Variants in MAP4K5 observed in about 807,000 individuals in gnomAD.
The protein encoded by MAP4K5 is MAPK/ERK kinase kinase kinase 5.
Under a neutral mutation model 135.6 loss-of-function variants are expected in MAP4K5, and 82 were observed. That is an observed-to-expected ratio of 0.60 (90% CI 0.51 to 0.73). The LOEUF is 0.73. MAP4K5 is among the 30% of genes least tolerant of loss of function. The pLI, the probability that MAP4K5 is intolerant of heterozygous loss-of-function variation, is 0.00. For synonymous variants in MAP4K5, 347 were observed against 335.0 expected (o/e 1.04, Z -0.39); for missense variants, 907 against 1,010.9 (o/e 0.90, Z 1.39).
intron 13 of MAP4K5, among the ~76,000 whole-genome samples, chr14:50,460,436 C>A (rs1016507351): frequency 2.6e-5 from 4 of 151,878 alleles, no homozygotes; most frequent in Non-Finnish European, 4.4e-5. Context: ...CCCAGCAAAA[C>A]GAGATAAAAA....
chr14:50,468,815 T>C (rs1443971044), intron 9 of MAP4K5, 33 bp from the exon 10 acceptor site: 1 of 1,573,462 alleles, frequency 6.4e-7, no homozygotes, highest in Non-Finnish European at 8.6e-7. Flanking sequence ...ACATTTTTGT[T>C]GTTAAATATT....
In MAP4K5 at chr14:50,423,035, T is replaced by G; in HGVS notation, c.2453+86A>C. 4 of 593,890 alleles carry G rather than the reference T, an allele frequency of 6.7e-6. 1 individual carries two copies. The South Asian group carries it at 1.2e-4, about 17-fold the overall frequency. 36.8% of individuals were successfully genotyped at this position (593,890 alleles called of 1,614,324 possible). ...GTCAATGAGCTTCTAAGAGTTTTGTTTGAAACAATTACAGACTGACAGTAT... is the reference window on the plus strand; with the variant it reads ...GTCAATGAGCTTCTAAGAGTTTTGTGTGAAACAATTACAGACTGACAGTAT... On this transcript the variant is annotated intron_variant, in intron 32 of 32. Transcript: ENST00000682126.
intron 28 of MAP4K5, among the ~76,000 whole-genome samples, chr14:50,429,616 G>C (rs2035926800): frequency 6.6e-6 from 1 of 152,142 alleles, no homozygotes; most frequent in Admixed American, 6.5e-5. Flanking sequence ...ATTTTATATA[G>C]CCAATGGGAG....
chr14:50,502,200 C>T (rs556388257), intron 3 of MAP4K5, among the ~76,000 whole-genome samples: 12 of 152,098 alleles, frequency 7.9e-5, no homozygotes, highest in Admixed American at 2.6e-4. Flanking sequence ...ATTTTTCACA[C>T]GTCTGCAATT....
intron 1 of MAP4K5, among the ~76,000 whole-genome samples, chr14:50,543,459 G>A (rs144336092): frequency 5.3e-4 from 81 of 152,288 alleles, no homozygotes; most frequent in African/African-American, 1.8e-3. Context: ...CAATTCATGG[G>A]CTTATGGAAT....
At chr14:50,516,730 T>C (rs2038041590) in intron 2 of MAP4K5, among the ~76,000 whole-genome samples, 1 of 152,210 alleles carries the variant, frequency 6.6e-6, no homozygotes, top group Non-Finnish European at 1.5e-5. Context: ...TGTAGTTGTA[T>C]AAAGGCTTTT....
chr14:50,449,118 A>G (rs988842853), intron 14 of MAP4K5: 3 of 314,728 alleles, frequency 9.5e-6, no homozygotes, highest in Non-Finnish European at 1.7e-5. Context: ...TCAAAAATAA[A>G]TGACTAAGTA....
intron 2 of MAP4K5, among the ~76,000 whole-genome samples, chr14:50,537,623 A>T (rs1326357401): frequency 6.6e-6 from 1 of 152,236 alleles, no homozygotes; most frequent in Admixed American, 6.5e-5. Context: ...CTGCAAAGCC[A>T]CAGGGGCAGA....
intron 20 of MAP4K5, among the ~76,000 whole-genome samples, chr14:50,443,219 A>G (rs1292597314): frequency 1.3e-5 from 2 of 152,302 alleles, no homozygotes; most frequent in South Asian, 2.1e-4. Flanking sequence ...GTTGATATTT[A>G]TATTATACAT....
chr14:50,510,336 C>T (rs930815894), intron 2 of MAP4K5, among the ~76,000 whole-genome samples: 3 of 152,116 alleles, frequency 2.0e-5, no homozygotes, highest in East Asian at 1.9e-4. Context: ...CTCCTTTCCC[C>T]GCCTCCCTCC....
Position 50,442,786 on chromosome 14 carries a change from C to T in MAP4K5, c.1510G>A (p.Gly504Ser). Residue 504 changes from glycine to serine, a missense_variant, in exon 21 of 33, where the codon GGC (glycine) becomes AGC (serine). Around this residue, in one of 3 missense-constraint regions of MAP4K5, gnomAD observed 690 missense variants for 777.4 expected, o/e 0.89. Coordinates refer to ENST00000682126, the MANE Select transcript of MAP4K5 (RefSeq NM_006575.6). The part of the protein sequence containing the change: ...MGACFSKVFD[G>S]CPLKINCATS... Reference sequence around the variant, plus strand: ...GCACAATTAATTTTCAAAGGACAGCCATCAAAAACTTTTGAAAAGCATGCT... The same window carrying T: ...GCACAATTAATTTTCAAAGGACAGCTATCAAAAACTTTTGAAAAGCATGCT... 1.3e-6 allele frequency: 2 copies of T among 1,596,640 alleles called. No individual in the cohort carries two copies. The highest frequency in any genetic ancestry group is 4.5e-5 in the East Asian group (2 of 44,320).
intron 2 of MAP4K5, among the ~76,000 whole-genome samples, chr14:50,520,208 C>T (rs987334761): frequency 2.6e-5 from 4 of 152,042 alleles, no homozygotes; most frequent in Non-Finnish European, 4.4e-5. Context: ...ATTAAAAATA[C>T]AAAAATTTGG....
chr14:50,551,393 C>CA (rs199519048), intron 1 of MAP4K5, among the ~76,000 whole-genome samples: 129 of 149,010 alleles, frequency 8.7e-4, no homozygotes, highest in Admixed American at 1.8e-3. Flanking sequence ...TTAAAATTGC[C>CA]AAAAAAAAAA....
intron 1 of MAP4K5, among the ~76,000 whole-genome samples, chr14:50,548,812 G>C (rs551867141): frequency 6.6e-6 from 1 of 152,030 alleles, no homozygotes; most frequent in African/African-American, 2.4e-5. Flanking sequence ...ACCCGGCCTG[G>C]TCTCAATTAT....
intron 11 of MAP4K5, among the ~76,000 whole-genome samples, chr14:50,465,935 G>A (rs867529586): frequency 1.3e-5 from 2 of 152,138 alleles, no homozygotes; most frequent in Admixed American, 6.5e-5. Context: ...TTAGCTTGGC[G>A]TGGTGGCATG....
intron 10 of MAP4K5, 131 bp downstream of exon 10, chr14:50,468,520 T>G: frequency 1.1e-6 from 1 of 887,830 alleles, no homozygotes; most frequent in Non-Finnish European, 1.7e-6. Context: ...TTGGATGAGA[T>G]TACTCCTAAA....
intron 18 of MAP4K5, 36 bp from the exon 19 acceptor site, chr14:50,444,072 C>T (rs377726121): frequency 7.3e-7 from 1 of 1,366,908 alleles, no homozygotes; most frequent in Non-Finnish European, 1.0e-6. Flanking sequence ...AATGACCACA[C>T]AAATAAGCAC....
chr14:50,529,194 G>A (rs1325786153), intron 2 of MAP4K5, among the ~76,000 whole-genome samples: 2 of 151,866 alleles, frequency 1.3e-5, no homozygotes, highest in African/African-American at 4.8e-5. Flanking sequence ...ACCAGACTGG[G>A]AAACATGGCA....
chr14:50,454,037 A>T (rs1477361451), intron 14 of MAP4K5, among the ~76,000 whole-genome samples: 1 of 152,198 alleles, frequency 6.6e-6, no homozygotes, highest in Non-Finnish European at 1.5e-5. Flanking sequence ...TCAAATGCTC[A>T]TCAACAGAAG....
Sources: gnomAD v4.1 joint callset for allele counts (sites outside exome capture counted in the v4.1 genomes callset) on GRCh38, gnomAD v4.1.1 for gene constraint, gnomAD v4.1.1 regional missense constraint, MANE v1.5 for transcripts, NCBI Gene and HGNC (gene_info 2026-07-23, HGNC 2026-07-21) for gene names.